ADAMTS2: variants seen among roughly 807,000 people sequenced by gnomAD.
The protein encoded by ADAMTS2 is ADAM metallopeptidase with thrombospondin type 1 motif 2.
A neutral mutation model predicts 123.0 loss-of-function variants in ADAMTS2; 50 were observed. The observed-to-expected ratio is 0.41, with a 90% CI of 0.32 to 0.51. ADAMTS2 has a LOEUF of 0.51. ADAMTS2 is among the 20% of genes least tolerant of loss of function. ADAMTS2 has a pLI of 0.35. For synonymous variants in ADAMTS2, 678 were observed against 695.4 expected (o/e 0.98, Z 0.39); for missense variants, 1,494 against 1,705.2 (o/e 0.88, Z 2.18).
intron 2 of ADAMTS2, among the ~76,000 whole-genome samples, chr5:179,326,008 G>T (rs1201650370): frequency 3.3e-5 from 5 of 152,234 alleles, no homozygotes; most frequent in Non-Finnish European, 7.3e-5. Context: ...CGGAGGAAGG[G>T]ATCAGAGCGC....
At chr5:179,297,419 C>T (rs894030732) in intron 2 of ADAMTS2, among the ~76,000 whole-genome samples, 38 of 152,108 alleles carry the variant, frequency 2.5e-4, no homozygotes, top group African/African-American at 8.5e-4. Flanking sequence ...GAGATTGCTG[C>T]TTCTCGGCAC....
intron 2 of ADAMTS2, among the ~76,000 whole-genome samples, chr5:179,283,735 T>C (rs1308885720): frequency 1.3e-5 from 2 of 150,682 alleles, no homozygotes; most frequent in African/African-American, 4.9e-5. Context: ...GTCCTAAAAA[T>C]ACAAAATTAG....
chr5:179,113,737 CCT>C lies in ADAMTS2; in HGVS notation c.*128_*129del, dbSNP rs1008260940. The C allele has an allele frequency of 3.2e-6, 3 of 930,010 alleles. No individual in the cohort carries two copies. Among genetic ancestry groups the C allele is most frequent in the African/African-American group, 1.6e-5 (1 of 60,870 alleles). The allele number at this position is 930,010 out of a possible 1,614,324, so 57.6% of individuals were successfully genotyped here. ...TGCCTATCTTTCTTACGTCATTCCC[CCT>C]CTTTGTTTTCTCAAAACCTTTTGGA... is the stretch of plus-strand genomic sequence containing the variant. On this transcript the variant is annotated 3_prime_UTR_variant, in exon 22 of 22. Coordinates refer to ENST00000251582, the MANE Select transcript of ADAMTS2 (RefSeq NM_014244.5).
chr5:179,291,906 TAA>T (rs71577036), intron 2 of ADAMTS2, among the ~76,000 whole-genome samples: 2 of 147,048 alleles, frequency 1.4e-5, no homozygotes, highest in African/African-American at 5.2e-5. Context: ...CTAGCTAATT[TAA>T]AAAAAAAAAA....
At position 179,151,943 on chromosome 5, in the gene ADAMTS2, C is replaced by A. The variant is rs73807258; in HGVS notation, c.1629+199G>T. Among the ~76,000 whole-genome samples, 1,050 of 152,246 alleles carry A rather than the reference C, an allele frequency of 6.9e-3. 13 individuals carry two copies. The highest frequency in any genetic ancestry group is 0.024 in the African/African-American group (993 of 41,556). On this transcript the variant is annotated intron_variant, in intron 10 of 21. Coordinates refer to ENST00000251582, the MANE Select transcript of ADAMTS2 (RefSeq NM_014244.5). ...GGAACTCTCAGATGCCAGGTGTGCT[C>A]CAGCATCAGAAGCACAGGGTGGAGG...
rs374288519 is a variant in ADAMTS2 at position 179,153,578 on chromosome 5, C to T, written c.1428G>A (p.Pro476=). The change falls in exon 9 of 22, where the codon CCG becomes CCA. Residue 476 remains proline, a synonymous_variant. Transcript: ENST00000251582. ...GCAGTCCCGGGAGCTGGGGCAGCGCCGGCCAGTCGTGGGCGAAGGGGTCAT... is the reference window on the plus strand; with the variant it reads ...GCAGTCCCGGGAGCTGGGGCAGCGCTGGCCAGTCGTGGGCGAAGGGGTCAT... ...LLDDPFAHDW[P]ALPQLPGLHY... 1.3e-5 allele frequency: 21 copies of T among 1,608,672 alleles called. No individual in the cohort carries two copies. The highest frequency in any genetic ancestry group is 2.7e-5 in the African/African-American group (2 of 75,030).
Position 179,132,415 on chromosome 5 carries a change from GC to G in ADAMTS2, c.2210-106del. On this transcript the variant is annotated intron_variant, in intron 14 of 21. Transcript: ENST00000251582. This position sits in a 1 kb window ranked among gnomAD's most constrained non-coding sequence, Gnocchi z 6.1. ...GCTCTTGAAGGCAGCTCCTCCGGAG[GC>G]TCTCCCAGGACCCTGGTATTTCTCT... The G allele has an allele frequency of 8.2e-6, 9 of 1,101,554 alleles. No individual in the cohort carries two copies. Among genetic ancestry groups the G allele is most frequent in the Non-Finnish European group, 1.2e-5 (9 of 743,138 alleles). The allele number at this position is 1,101,554 out of a possible 1,614,324, so 68.2% of individuals were successfully genotyped here. A position where few individuals can be genotyped will look rare whatever the true frequency, so the allele number is the denominator to read the frequency against.
chr5:179,171,132 C>A (rs1362336832), intron 5 of ADAMTS2, among the ~76,000 whole-genome samples: 2 of 152,172 alleles, frequency 1.3e-5, no homozygotes, highest in African/African-American at 2.4e-5. Flanking sequence ...CCCAGTAATT[C>A]ATTTATAACG....
Position 179,181,520 on chromosome 5 carries a change from C to T in ADAMTS2, c.892-365G>A, listed in dbSNP as rs899828983. On this transcript the variant is annotated intron_variant, in intron 4 of 21. Coordinates refer to ENST00000251582, the MANE Select transcript of ADAMTS2 (RefSeq NM_014244.5). The surrounding 1 kb of genome is among the most constrained non-coding windows in gnomAD (Gnocchi z 4.1). The stretch of plus-strand genomic sequence containing the variant: ...ACAGTGAACGTGGGTGATGGACCCC[C>T]GCGGCACAGGCAGGGCTGGGACCGG... Among the ~76,000 whole-genome samples, 4 of 152,152 alleles carry T rather than the reference C, an allele frequency of 2.6e-5. No individual in the cohort carries two copies. The highest frequency in any genetic ancestry group is 4.8e-5 in the African/African-American group (2 of 41,444).
chr5:179,301,589 C>T (rs1054408458), intron 2 of ADAMTS2, among the ~76,000 whole-genome samples: 4 of 152,266 alleles, frequency 2.6e-5, no homozygotes, highest in Non-Finnish European at 5.9e-5. Flanking sequence ...CTGTGGCGCC[C>T]AGATGCCGCA....
At chr5:179,215,841 C>T (rs891685446) in intron 3 of ADAMTS2, among the ~76,000 whole-genome samples, 6 of 152,146 alleles carry the variant, frequency 3.9e-5, no homozygotes, top group Non-Finnish European at 8.8e-5. Flanking sequence ...TCAGAGTTCT[C>T]AAAAGCAGCA....
chr5:179,168,288 G>A (rs752186405), intron 5 of ADAMTS2, among the ~76,000 whole-genome samples: 3 of 152,186 alleles, frequency 2.0e-5, no homozygotes, highest in African/African-American at 4.8e-5. Flanking sequence ...GGGTGGCAAA[G>A]TCACTCTTGG....
In ADAMTS2 at chr5:179,181,306, C is replaced by T. The variant is rs1444521881; in HGVS notation, c.892-151G>A. 1 of 694,814 alleles carries T rather than the reference C, an allele frequency of 1.4e-6. No homozygotes were observed. Among genetic ancestry groups the T allele is most frequent in the Admixed American group, 2.0e-5 (1 of 49,556 alleles). 43.0% of individuals were successfully genotyped at this position (694,814 alleles called of 1,614,324 possible). ...CTAGGAGCCACCTTGTGACCCCTCC[C>T]TCATTGCCCCCTGCCCTCTGCCTCT... On this transcript the variant is annotated intron_variant, in intron 4 of 21. Coordinates refer to ENST00000251582, the MANE Select transcript of ADAMTS2 (RefSeq NM_014244.5). This position sits in a 1 kb window ranked among gnomAD's most constrained non-coding sequence, Gnocchi z 4.1.
chr5:179,195,053 T>C (rs987887414), intron 4 of ADAMTS2, among the ~76,000 whole-genome samples: 1 of 152,150 alleles, frequency 6.6e-6, no homozygotes, highest in Non-Finnish European at 1.5e-5. Context: ...CGGTGGCCCT[T>C]GTCCGAGGAG....
chr5:179,123,247 C>T (rs1178663560), intron 19 of ADAMTS2, among the ~76,000 whole-genome samples: 1 of 152,250 alleles, frequency 6.6e-6, no homozygotes, highest in Non-Finnish European at 1.5e-5. Flanking sequence ...AGCACCACCA[C>T]TGCTCCACCA....
At chr5:179,207,789 G>A in intron 3 of ADAMTS2, 74 bp from the exon 4 acceptor site, 2 of 1,375,250 alleles carry the variant, frequency 1.5e-6, no homozygotes, top group Non-Finnish European at 1.0e-6. Context: ...CGCCAGCTTG[G>A]CCATCCTCTC....
In ADAMTS2 at chr5:179,130,859, G is replaced by T. The variant is rs376996806; in HGVS notation, c.2291-761C>A. Among the ~76,000 whole-genome samples the T allele has an allele frequency of 7.2e-4, 109 of 152,220 alleles. 1 individual carries two copies. The highest frequency in any genetic ancestry group is 2.5e-3 in the African/African-American group (104 of 41,544). The stretch of plus-strand genomic sequence containing the variant: ...GCCACACGTCCCTGCCTTCTCTCTG[G>T]CCCTTGCTCCCTTTCCACAGAGAGC... On this transcript the variant is annotated intron_variant, in intron 15 of 21. Transcript: ENST00000251582. The surrounding 1 kb of genome is among the most constrained non-coding windows in gnomAD (Gnocchi z 4.3).
chr5:179,176,354 T>A (rs1198485161), intron 5 of ADAMTS2, among the ~76,000 whole-genome samples: 2 of 152,066 alleles, frequency 1.3e-5, no homozygotes, highest in South Asian at 2.1e-4. Flanking sequence ...TTGCTTCTGC[T>A]ACCCCCAGCT....
At chr5:179,337,416 CAT>C (rs1403789568) in intron 2 of ADAMTS2, among the ~76,000 whole-genome samples, 2 of 152,344 alleles carry the variant, frequency 1.3e-5, no homozygotes, top group South Asian at 2.1e-4. Flanking sequence ...CGTGCACAAA[CAT>C]ATGCACCCCC....
Sources: gnomAD v4.1 joint callset for allele counts (sites outside exome capture counted in the v4.1 genomes callset) on GRCh38, gnomAD v4.1.1 for gene constraint, Gnocchi (gnomAD v3.1) non-coding constraint, MANE v1.5 for transcripts, NCBI Gene and HGNC (gene_info 2026-07-23, HGNC 2026-07-21) for gene names.